The following EPB41L2 variants were observed in gnomAD, a reference collection of about 807,000 sequenced individuals.
EPB41L2 encodes band 4.1-like protein 2.
A neutral mutation model predicts 113.0 loss-of-function variants in EPB41L2; 43 were observed. The observed-to-expected ratio is 0.38, with a 90% CI of 0.30 to 0.49. EPB41L2 has a LOEUF of 0.49. Ranked by LOEUF, EPB41L2 falls within the 20% of genes least tolerant of loss-of-function variation. The pLI is 0.95. For synonymous variants in EPB41L2, 442 were observed against 436.7 expected (o/e 1.01, Z -0.15); for missense variants, 1,147 against 1,223.4 (o/e 0.94, Z 0.93).
intron 1 of EPB41L2, among the ~76,000 whole-genome samples, chr6:130,997,049 A>C (rs886774986): frequency 3.3e-5 from 5 of 152,236 alleles, no homozygotes; most frequent in Non-Finnish European, 7.3e-5. Flanking sequence ...CCAAAAACAC[A>C]GAGGTACATT....
rs751158285 is a variant in EPB41L2 at position 130,899,474 on chromosome 6, C to T, written c.1236+17G>A. 42 of 1,605,100 alleles carry T rather than the reference C, an allele frequency of 2.6e-5. No homozygotes were observed. Among genetic ancestry groups the T allele is most frequent in the African/African-American group, 2.0e-4 (15 of 74,692 alleles). On this transcript the variant is annotated intron_variant, in intron 8 of 19. Transcript: ENST00000337057. Reference sequence around the variant, plus strand: ...AACAGACTACTATGATGCTACTCCCCGTTACATTTACAGTACCTTGGCATG... The same window carrying T: ...AACAGACTACTATGATGCTACTCCCTGTTACATTTACAGTACCTTGGCATG...
At chr6:130,942,530 G>C (rs1181302297) in intron 3 of EPB41L2, among the ~76,000 whole-genome samples, 1 of 152,210 alleles carries the variant, frequency 6.6e-6, no homozygotes, top group African/African-American at 2.4e-5. Context: ...TGTTGCATGA[G>C]AGAGTGTAAT....
rs772228963 is a variant in EPB41L2, at chr6:130,865,644, G to A, written c.2731-10C>T. On this transcript the variant is annotated splice_polypyrimidine_tract_variant and intron_variant, in intron 16 of 19. Coordinates refer to ENST00000337057, the MANE Select transcript of EPB41L2 (RefSeq NM_001431.4). ...CAGCCCCGCCATCAATCTTTGGATA[G>A]TTGGGGGAAAAATACAAAGTAATGC... 1 of 1,613,702 alleles carries A rather than the reference G, an allele frequency of 6.2e-7. No individual in the cohort carries two copies. Among genetic ancestry groups the A allele is most frequent in the Non-Finnish European group, 8.5e-7 (1 of 1,179,678 alleles).
intron 11 of EPB41L2, among the ~76,000 whole-genome samples, chr6:130,886,027 T>C (rs1790849403): frequency 6.6e-6 from 1 of 152,120 alleles, no homozygotes; most frequent in South Asian, 2.1e-4. Flanking sequence ...CAAGGCAAAG[T>C]GAGTAGTAGG....
chr6:131,042,618 A>T (rs559904807), intron 1 of EPB41L2, among the ~76,000 whole-genome samples: 2 of 152,316 alleles, frequency 1.3e-5, no homozygotes, highest in South Asian at 4.1e-4. Flanking sequence ...TTCTGATTTC[A>T]CATCTTCTCA....
At chr6:130,865,897 G>A (rs1460380465) in intron 16 of EPB41L2, 3 of 364,878 alleles carry the variant, frequency 8.2e-6, no homozygotes, top group Non-Finnish European at 1.5e-5. Context: ...AAAGCTACAA[G>A]GGAATTATGA....
At chr6:130,952,239 C>T (rs939464038) in intron 3 of EPB41L2, among the ~76,000 whole-genome samples, 2 of 151,720 alleles carry the variant, frequency 1.3e-5, no homozygotes, top group Admixed American at 1.3e-4. Context: ...ATTATTTTGG[C>T]AATATCTGGG....
intron 1 of EPB41L2, among the ~76,000 whole-genome samples, chr6:130,985,597 A>C (rs1190209290): frequency 2.6e-5 from 4 of 152,184 alleles, no homozygotes; most frequent in Non-Finnish European, 5.9e-5. Context: ...CCCAGCTTGC[A>C]AAGTGACCAG....
intron 11 of EPB41L2, among the ~76,000 whole-genome samples, chr6:130,888,978 T>A (rs1348002400): frequency 6.6e-6 from 1 of 152,188 alleles, no homozygotes; most frequent in Non-Finnish European, 1.5e-5. Context: ...AAAAAGCAGA[T>A]GAAGGCAATC....
At chr6:130,871,554 C>A (rs1785680111) in intron 14 of EPB41L2, among the ~76,000 whole-genome samples, 1 of 152,148 alleles carries the variant, frequency 6.6e-6, no homozygotes, top group Admixed American at 6.5e-5. Context: ...CCTAACATCA[C>A]ACACACACGT....
intron 14 of EPB41L2, among the ~76,000 whole-genome samples, chr6:130,873,815 T>G (rs1201085690): frequency 6.6e-6 from 1 of 152,056 alleles, no homozygotes; most frequent in Non-Finnish European, 1.5e-5. Flanking sequence ...AAGGGGCCCC[T>G]TCATACTGTG....
chr6:131,026,185 T>C (rs1324632563), intron 1 of EPB41L2, among the ~76,000 whole-genome samples: 1 of 152,184 alleles, frequency 6.6e-6, no homozygotes, highest in Non-Finnish European at 1.5e-5. Flanking sequence ...TGAAGCTGTA[T>C]GAACAAGAGG....
chr6:131,005,154 G>A (rs576788386), intron 1 of EPB41L2, among the ~76,000 whole-genome samples: 8 of 151,626 alleles, frequency 5.3e-5, no homozygotes, highest in Admixed American at 2.6e-4. Context: ...TTCCCAAGAC[G>A]GTGCTTACTT....
chr6:131,021,645 G>T (rs1789515586), intron 1 of EPB41L2, among the ~76,000 whole-genome samples: 1 of 151,744 alleles, frequency 6.6e-6, no homozygotes, highest in African/African-American at 2.4e-5. Context: ...TGGGCAACAA[G>T]AGTGAGATTC....
At position 130,845,655 on chromosome 6, in the gene EPB41L2, A is replaced by C. The variant is rs140596957; in HGVS notation, c.*6-5057T>G. On this transcript the variant is annotated intron_variant, in intron 19 of 19. Transcript: ENST00000337057. ...CTCAACCTCCCAACGTGTTCGGATT[A>C]CAGGCGTGAGCCACCAGGCCTGGCC... 5.3e-3 allele frequency among the ~76,000 whole-genome samples: 800 copies of C among 152,316 alleles called. 7 individuals carry two copies. The highest frequency in any genetic ancestry group is 0.018 in the African/African-American group (756 of 41,554).
At chr6:130,842,882 T>C (rs1775945930) in intron 19 of EPB41L2, among the ~76,000 whole-genome samples, 1 of 152,216 alleles carries the variant, frequency 6.6e-6, no homozygotes, top group African/African-American at 2.4e-5. Flanking sequence ...ACTTTTTTTC[T>C]GGTAATGAAT....
At chr6:130,858,675 ACTAG>A (rs1375400716) in intron 18 of EPB41L2, among the ~76,000 whole-genome samples, 1 of 152,274 alleles carries the variant, frequency 6.6e-6, no homozygotes, top group African/African-American at 2.4e-5. Flanking sequence ...TTCAGGTGAT[ACTAG>A]CTGTCACCCA....
intron 19 of EPB41L2, among the ~76,000 whole-genome samples, chr6:130,847,734 C>T (rs1582590938): frequency 6.6e-6 from 1 of 152,318 alleles, no homozygotes; most frequent in Admixed American, 6.5e-5. Flanking sequence ...ATCACTGAAG[C>T]CGTAACACAA....
chr6:130,857,858 TTACAG>T (rs1780771187), intron 19 of EPB41L2, among the ~76,000 whole-genome samples: 1 of 152,146 alleles, frequency 6.6e-6, no homozygotes, highest in Non-Finnish European at 1.5e-5. Flanking sequence ...TTAATGTAAC[TTACAG>T]TAATGTGCTT....
Sources: gnomAD v4.1 joint callset for allele counts (sites outside exome capture counted in the v4.1 genomes callset) on GRCh38, gnomAD v4.1.1 for gene constraint, MANE v1.5 for transcripts, NCBI Gene and HGNC (gene_info 2026-07-23, HGNC 2026-07-21) for gene names.